Variants in CNTNAP2 observed in about 807,000 individuals in gnomAD.
CNTNAP2 encodes contactin-associated protein-like 2.
In CNTNAP2, 98 loss-of-function variants were observed where a neutral mutation model predicts 155.2. That is an observed-to-expected ratio of 0.63 (90% CI 0.54 to 0.75). The LOEUF is 0.75. Among genes scored for constraint, CNTNAP2 ranks in the 30% least tolerant of loss-of-function variants. The probability of loss-of-function intolerance (pLI) is 0.00; values close to 1 mark genes in which losing one functional copy is unlikely to be tolerated. For missense variants in CNTNAP2, 1,727 were observed against 1,688.1 expected (o/e 1.02, Z -0.40); for synonymous variants, 651 against 631.2 (o/e 1.03, Z -0.47).
chr7:147,202,241 TA>T (rs35746648), intron 8 of CNTNAP2, among the ~76,000 whole-genome samples: 19 of 145,410 alleles, frequency 1.3e-4, no homozygotes, highest in Admixed American at 3.4e-4. Flanking sequence ...TAGCCTGATT[TA>T]AAAAAAAAAA....
chr7:147,416,728 C>T (rs1157181977), intron 10 of CNTNAP2, among the ~76,000 whole-genome samples: 1 of 152,206 alleles, frequency 6.6e-6, no homozygotes, highest in Non-Finnish European at 1.5e-5. Context: ...TGCTGTTCTT[C>T]TCTGAAGACC....
intron 11 of CNTNAP2, among the ~76,000 whole-genome samples, chr7:147,551,905 G>C (rs745644385): frequency 1.2e-4 from 18 of 152,162 alleles, no homozygotes; most frequent in African/African-American, 1.7e-4. Context: ...AATTATAAAG[G>C]CTTAGCAAAG....
chr7:146,741,510 C>T (rs767877730), intron 1 of CNTNAP2, among the ~76,000 whole-genome samples: 4 of 152,010 alleles, frequency 2.6e-5, no homozygotes, highest in African/African-American at 9.7e-5. Flanking sequence ...AGTGTATTGG[C>T]AATAAGCTTG....
At position 146,712,973 on chromosome 7, in the gene CNTNAP2, CT is replaced by C. The variant is rs1455658405; in HGVS notation, c.98-61297del. Among the ~76,000 whole-genome samples, 16 of 152,006 alleles carry C rather than the reference CT, an allele frequency of 1.1e-4. No individual in the cohort carries two copies. In the East Asian group the frequency reaches 2.7e-3, roughly 26 times the overall value. ...GATTTCTTCACGCTGACCTGTACCC[CT>C]CCCTTAAAATTTATTGCCAGAGATG... On this transcript the variant is annotated intron_variant, in intron 1 of 23. Transcript: ENST00000361727.
intron 8 of CNTNAP2, among the ~76,000 whole-genome samples, chr7:147,201,282 G>A (rs1372542821): frequency 1.3e-5 from 2 of 151,818 alleles, no homozygotes; most frequent in South Asian, 2.1e-4. Context: ...ATTCCTTCAG[G>A]GATCTTCGAT....
At chr7:148,401,561 C>T (rs150355240) in intron 22 of CNTNAP2, among the ~76,000 whole-genome samples, 2 of 152,040 alleles carry the variant, frequency 1.3e-5, no homozygotes, top group African/African-American at 2.4e-5. Flanking sequence ...TTATGAAATA[C>T]AAAATCTGAG....
chr7:147,221,998 C>A (rs1310569986), intron 8 of CNTNAP2, among the ~76,000 whole-genome samples: 1 of 152,040 alleles, frequency 6.6e-6, no homozygotes, highest in Admixed American at 6.6e-5. Context: ...TCACCCACCC[C>A]CTCTCTGGCT....
intron 1 of CNTNAP2, among the ~76,000 whole-genome samples, chr7:146,456,016 A>G (rs745563576): frequency 3.3e-5 from 5 of 152,190 alleles, no homozygotes; most frequent in Non-Finnish European, 7.3e-5. Flanking sequence ...GCACATGCAT[A>G]CATATCACTC....
chr7:148,094,174 CA>C (rs1803911970), intron 15 of CNTNAP2, among the ~76,000 whole-genome samples: 1 of 152,200 alleles, frequency 6.6e-6, no homozygotes, highest in Non-Finnish European at 1.5e-5. Flanking sequence ...GGGACTTGAA[CA>C]AGTTACTTAA....
intron 4 of CNTNAP2, among the ~76,000 whole-genome samples, chr7:147,090,241 C>G (rs953694080): frequency 1.6e-4 from 24 of 151,918 alleles, no homozygotes; most frequent in Non-Finnish European, 2.9e-4. Context: ...ATCAATTAGA[C>G]AAATACTTAA....
intron 3 of CNTNAP2, among the ~76,000 whole-genome samples, chr7:146,938,382 AAGTAGAAGT>A (rs1039851097): frequency 8.4e-5 from 10 of 119,740 alleles, no homozygotes; most frequent in African/African-American, 2.1e-4. Context: ...TAAGTAGTAG[AAGTAGAAGT>A]AGTTTTATAT....
At chr7:146,464,302 C>T (rs1375622084) in intron 1 of CNTNAP2, among the ~76,000 whole-genome samples, 1 of 148,894 alleles carries the variant, frequency 6.7e-6, no homozygotes, top group Non-Finnish European at 1.5e-5. Flanking sequence ...ATTGTCTTTC[C>T]TCCTCCCTAT....
intron 3 of CNTNAP2, among the ~76,000 whole-genome samples, chr7:146,910,784 C>A (rs1162983664): frequency 6.7e-6 from 1 of 148,256 alleles, no homozygotes. Context: ...GCAATGGCAA[C>A]AAAAGCCAAA....
intron 1 of CNTNAP2, among the ~76,000 whole-genome samples, chr7:146,143,407 C>T (rs1797908976): frequency 6.6e-6 from 1 of 152,032 alleles, no homozygotes; most frequent in Admixed American, 6.6e-5. Context: ...TGAATAAGGA[C>T]AAAAACCTCA....
intron 3 of CNTNAP2, among the ~76,000 whole-genome samples, chr7:146,934,694 A>G (rs1055460924): frequency 6.6e-6 from 1 of 152,196 alleles, no homozygotes; most frequent in African/African-American, 2.4e-5. Context: ...TGGTATTTTT[A>G]TACTATTTTA....
At chr7:146,512,855 C>G (rs969516256) in intron 1 of CNTNAP2, among the ~76,000 whole-genome samples, 2 of 151,860 alleles carry the variant, frequency 1.3e-5, no homozygotes, top group African/African-American at 4.8e-5. Flanking sequence ...AATTTTCTGT[C>G]TGGATGATCT....
At chr7:147,641,442 A>G (rs2116927807) in intron 13 of CNTNAP2, among the ~76,000 whole-genome samples, 1 of 152,240 alleles carries the variant, frequency 6.6e-6, no homozygotes, top group Non-Finnish European at 1.5e-5. Context: ...GGGCATTACA[A>G]TACCTGGTGA....
At chr7:148,307,823 A>G (rs1797515506) in intron 21 of CNTNAP2, among the ~76,000 whole-genome samples, 1 of 152,028 alleles carries the variant, frequency 6.6e-6, no homozygotes, top group Non-Finnish European at 1.5e-5. Flanking sequence ...AAACACAAAA[A>G]TTGCCCAGGC....
intron 1 of CNTNAP2, among the ~76,000 whole-genome samples, chr7:146,424,934 A>T (rs983436748): frequency 6.6e-6 from 1 of 152,186 alleles, no homozygotes; most frequent in Non-Finnish European, 1.5e-5. Context: ...TATTGAAAAA[A>T]AAATTTACAA....
Sources: allele counts gnomAD v4.1 joint callset (sites outside exome capture counted in the v4.1 genomes callset), GRCh38; gene constraint gnomAD v4.1.1; transcripts MANE v1.5; gene names NCBI Gene and HGNC (gene_info 2026-07-23, HGNC 2026-07-21).